Variants in DENND1A observed in about 807,000 individuals in gnomAD.
DENND1A encodes the protein DENN domain-containing protein 1A.
In DENND1A, 51 loss-of-function variants were observed where a neutral mutation model predicts 113.7. The ratio of observed to expected loss-of-function variants is 0.45; its 90% CI spans 0.36 to 0.57. The LOEUF (loss-of-function observed/expected upper bound fraction) is 0.57. Among genes scored for constraint, DENND1A ranks in the 20% least tolerant of loss-of-function variants. The pLI is 0.00. For missense variants in DENND1A, 1,258 were observed against 1,395.9 expected (o/e 0.90, Z 1.57); for synonymous variants, 565 against 570.8 (o/e 0.99, Z 0.14).
intron 8 of DENND1A, among the ~76,000 whole-genome samples, chr9:123,656,765 T>C (rs2062969096): frequency 6.6e-6 from 1 of 152,158 alleles, no homozygotes; most frequent in African/African-American, 2.4e-5. Flanking sequence ...AGTAACCACT[T>C]TCTTCATTCT....
At chr9:123,473,650 A>G (rs960914559) in intron 13 of DENND1A, among the ~76,000 whole-genome samples, 2 of 152,172 alleles carry the variant, frequency 1.3e-5, no homozygotes, top group Non-Finnish European at 2.9e-5. Flanking sequence ...TGTAGGAAGC[A>G]GTATGAGGGC....
intron 5 of DENND1A, among the ~76,000 whole-genome samples, chr9:123,728,506 A>AAAAAAAAAAAAAAAAAAAAAAAC (rs1564150268): frequency 2.7e-5 from 4 of 145,814 alleles, no homozygotes; most frequent in African/African-American, 1.1e-4. Flanking sequence ...AAAAAAAAAA[A>AAAAAAAAAAAAAAAAAAAAAAAC]AAAACAGGCA....
intron 2 of DENND1A, among the ~76,000 whole-genome samples, chr9:123,849,685 T>C (rs544285146): frequency 6.6e-6 from 1 of 152,304 alleles, no homozygotes; most frequent in African/African-American, 2.4e-5. Flanking sequence ...CAATATATAG[T>C]TATTCCTCTG....
At chr9:123,816,730 A>T (rs942115254) in intron 2 of DENND1A, among the ~76,000 whole-genome samples, 14 of 152,222 alleles carry the variant, frequency 9.2e-5, no homozygotes, top group Non-Finnish European at 1.6e-4. Context: ...TGTTATTTTG[A>T]ATTCACAAAA....
At chr9:123,718,875 AT>A in intron 5 of DENND1A, among the ~76,000 whole-genome samples, 1 of 152,304 alleles carries the variant, frequency 6.6e-6, no homozygotes, top group Admixed American at 6.5e-5. Flanking sequence ...CCCAAATCTC[AT>A]TTTGAAATGT....
At chr9:123,882,461 T>TC (rs1357545217) in intron 1 of DENND1A, among the ~76,000 whole-genome samples, 2 of 130,724 alleles carry the variant, frequency 1.5e-5, no homozygotes, top group Non-Finnish European at 3.0e-5. Context: ...CATCCTCGAC[T>TC]CCCGTTTCAT....
intron 5 of DENND1A, among the ~76,000 whole-genome samples, chr9:123,750,097 A>G (rs572848032): frequency 3.9e-5 from 6 of 152,152 alleles, no homozygotes; most frequent in Admixed American, 2.6e-4. Flanking sequence ...TCCAGCCCCC[A>G]TGGCCACTGC....
At chr9:123,840,430 A>T (rs1841662465) in intron 2 of DENND1A, among the ~76,000 whole-genome samples, 1 of 152,184 alleles carries the variant, frequency 6.6e-6, no homozygotes, top group Non-Finnish European at 1.5e-5. Context: ...TAATTATAAC[A>T]GAACTCCAAT....
chr9:123,568,997 G>A (rs1056349427), intron 12 of DENND1A, among the ~76,000 whole-genome samples: 1 of 152,194 alleles, frequency 6.6e-6, no homozygotes, highest in Non-Finnish European at 1.5e-5. Flanking sequence ...GCAGTTTTAA[G>A]GCAGGGCAAA....
chr9:123,800,696 A>C (rs1394446025), intron 2 of DENND1A, among the ~76,000 whole-genome samples: 1 of 152,228 alleles, frequency 6.6e-6, no homozygotes, highest in Non-Finnish European at 1.5e-5. Context: ...TTCTTTATTT[A>C]TAGTCCTCTG....
At chr9:123,616,392 T>C (rs568888256) in intron 10 of DENND1A, among the ~76,000 whole-genome samples, 3 of 152,336 alleles carry the variant, frequency 2.0e-5, no homozygotes, top group East Asian at 3.9e-4. Flanking sequence ...AAATGGTTAC[T>C]GGATAATTAT....
chr9:123,711,326 G>A (rs147903030), intron 5 of DENND1A, among the ~76,000 whole-genome samples: 1 of 150,992 alleles, frequency 6.6e-6, no homozygotes, highest in Non-Finnish European at 1.5e-5. Flanking sequence ...TTAGCCAGGC[G>A]TGGTGGCGGG....
chr9:123,779,122 T>A (rs779964979), intron 3 of DENND1A, among the ~76,000 whole-genome samples: 2 of 152,182 alleles, frequency 1.3e-5, no homozygotes, highest in Non-Finnish European at 2.9e-5. Flanking sequence ...GAATTCATGC[T>A]CTATGGATAA....
chr9:123,549,072 T>A (rs1589090026), intron 13 of DENND1A, among the ~76,000 whole-genome samples: 3 of 152,218 alleles, frequency 2.0e-5, no homozygotes. Flanking sequence ...TTATGTTATA[T>A]GTATTTTTTA....
chr9:123,924,331 G>T (rs1784954338), intron 1 of DENND1A, among the ~76,000 whole-genome samples: 1 of 152,132 alleles, frequency 6.6e-6, no homozygotes, highest in Non-Finnish European at 1.5e-5. Flanking sequence ...TGGAATTAGT[G>T]GTAATCAATC....
At chr9:123,640,421 C>T (rs1319309419) in intron 9 of DENND1A, among the ~76,000 whole-genome samples, 2 of 152,154 alleles carry the variant, frequency 1.3e-5, no homozygotes, top group African/African-American at 4.8e-5. Context: ...GCCACTCAAG[C>T]TCTGTGAGGA....
chr9:123,477,943 G>A (rs1241956086), intron 13 of DENND1A, among the ~76,000 whole-genome samples: 4 of 152,108 alleles, frequency 2.6e-5, no homozygotes, highest in Non-Finnish European at 4.4e-5. Context: ...ATGGCTCCAC[G>A]TGGTTCTTGG....
At chr9:123,526,177 A>ACG (rs2054826362) in intron 13 of DENND1A, among the ~76,000 whole-genome samples, 1 of 151,296 alleles carries the variant, frequency 6.6e-6, no homozygotes, top group African/African-American at 2.4e-5. Context: ...ATGTGCACAC[A>ACG]CACACACACA....
rs562365799 is a variant in DENND1A, at chr9:123,821,265, A to C, written c.89-28635T>G. Reference sequence around the variant, plus strand: ...TACATATAAATAGACAATAGACTGAAATATAATAAAGTAACAGGAAATATC... The same window carrying C: ...TACATATAAATAGACAATAGACTGACATATAATAAAGTAACAGGAAATATC... On this transcript the variant is annotated intron_variant, in intron 2 of 23. Transcript: ENST00000394215. Among the ~76,000 whole-genome samples the C allele has an allele frequency of 2.0e-5, 3 of 152,364 alleles. No individual in the cohort carries two copies. In the South Asian group the frequency reaches 6.2e-4, roughly 32 times the overall value.
Sources: allele counts gnomAD v4.1 joint callset (sites outside exome capture counted in the v4.1 genomes callset), GRCh38; gene constraint gnomAD v4.1.1; transcripts MANE v1.5; gene names NCBI Gene and HGNC (gene_info 2026-07-23, HGNC 2026-07-21).